The following SSBP2 variants were observed in gnomAD, a reference collection of about 807,000 sequenced individuals.
SSBP2 encodes single-stranded DNA-binding protein 2.
In SSBP2, 17 loss-of-function variants were observed where a neutral mutation model predicts 61.8. The ratio of observed to expected loss-of-function variants is 0.28; its 90% confidence interval spans 0.19 to 0.41. The LOEUF (loss-of-function observed/expected upper bound fraction) is 0.41. Among genes scored for constraint, SSBP2 ranks in the 10% least tolerant of loss-of-function variants. The probability of loss-of-function intolerance (pLI) is 1.00; values close to 1 mark genes in which losing one functional copy is unlikely to be tolerated. For missense variants in SSBP2, 310 were observed against 458.7 expected, an observed-to-expected ratio of 0.68 and a Z score of 2.96; for synonymous variants, 139 against 141.3, an observed-to-expected ratio of 0.98 and a Z score of 0.12.
intron 4 of SSBP2, among the ~76,000 whole-genome samples, chr5:81,524,560 C>T (rs1769763326): frequency 1.3e-5 from 2 of 152,048 alleles, no homozygotes; most frequent in African/African-American, 4.8e-5. Context: ...CATGAGGTAT[C>T]TAGAAACTAG....
At chr5:81,542,909 C>T (rs1293180401) in intron 4 of SSBP2, among the ~76,000 whole-genome samples, 2 of 151,312 alleles carry the variant, frequency 1.3e-5, no homozygotes, top group South Asian at 4.2e-4. Flanking sequence ...GGCTGGAGTG[C>T]ACTGGCACAA....
At chr5:81,699,365 T>C (rs774483475) in intron 1 of SSBP2, among the ~76,000 whole-genome samples, 21 of 152,248 alleles carry the variant, frequency 1.4e-4, no homozygotes, top group Non-Finnish European at 1.0e-4. Flanking sequence ...TCTTTCAAAA[T>C]TGGAGTCAAT....
At chr5:81,479,765 T>C in intron 6 of SSBP2, among the ~76,000 whole-genome samples, 1 of 152,210 alleles carries the variant, frequency 6.6e-6, no homozygotes, top group East Asian at 1.9e-4. Flanking sequence ...AACAATCTTA[T>C]AAAGTTATTA....
At chr5:81,643,717 C>T (rs1410405360) in intron 2 of SSBP2, among the ~76,000 whole-genome samples, 5 of 149,310 alleles carry the variant, frequency 3.3e-5, no homozygotes, top group Admixed American at 2.0e-4. Context: ...ATTCTCCTGC[C>T]TCAGCCTCCC....
rs1199471497 is a variant in SSBP2 at position 81,445,141 on chromosome 5, T to C, written c.778+1727A>G. Among the ~76,000 whole-genome samples, 2 of 41,726 alleles carry C rather than the reference T, an allele frequency of 4.8e-5. 1 individual carries two copies. The highest frequency in any genetic ancestry group is 4.4e-4 in the Admixed American group (2 of 4,512). 27.4% of individuals were successfully genotyped at this position (41,726 alleles called of 152,430 possible). The stretch of plus-strand genomic sequence containing the variant: ...CTCAGCAAAGAAAAAAAAAATTTTA[T>C]ATATATATATATATATATATATATA... On this transcript the variant is annotated intron_variant, in intron 12 of 16. Coordinates refer to ENST00000320672, the MANE Select transcript of SSBP2 (RefSeq NM_012446.5).
intron 6 of SSBP2, among the ~76,000 whole-genome samples, chr5:81,487,129 T>C (rs1766444129): frequency 6.6e-6 from 1 of 152,196 alleles, no homozygotes; most frequent in Admixed American, 6.5e-5. Flanking sequence ...CTTATTGTAA[T>C]AACATGGTTT....
At chr5:81,440,505 G>A in intron 14 of SSBP2, 53 bp downstream of exon 14, 1 of 1,496,646 alleles carries the variant, frequency 6.7e-7, no homozygotes, top group Non-Finnish European at 9.3e-7. Context: ...GCACTAGGTA[G>A]AATTAAGGTT....
chr5:81,722,936 T>C (rs1456970574), intron 1 of SSBP2, among the ~76,000 whole-genome samples: 1 of 152,014 alleles, frequency 6.6e-6, no homozygotes, highest in Non-Finnish European at 1.5e-5. Flanking sequence ...GCACAATTGC[T>C]TTCTTTCCCT....
rs965416344 is a variant in SSBP2 at position 81,524,415 on chromosome 5, C to T, written c.283-10698G>A. Among the ~76,000 whole-genome samples the T allele has an allele frequency of 3.3e-5, 5 of 152,134 alleles. No homozygotes were observed. The East Asian group carries it at 5.8e-4, about 18-fold the overall frequency. On this transcript the variant is annotated intron_variant, in intron 4 of 16. Transcript: ENST00000320672. The stretch of plus-strand genomic sequence containing the variant: ...AGCCCAGCAATCCCAGACTTCTGAC[C>T]TACAAAACTGTGAGATAATAAACTC...
intron 4 of SSBP2, among the ~76,000 whole-genome samples, chr5:81,566,515 A>T (rs1215246234): frequency 6.6e-6 from 1 of 152,174 alleles, no homozygotes; most frequent in Non-Finnish European, 1.5e-5. Context: ...AGGCTTCCCC[A>T]GCTACGTGTA....
intron 3 of SSBP2, among the ~76,000 whole-genome samples, chr5:81,629,845 C>T (rs1220577551): frequency 3.9e-5 from 6 of 151,998 alleles, no homozygotes; most frequent in Admixed American, 3.9e-4. Context: ...TTTGTGTGTC[C>T]GTGTGTGTGT....
At chr5:81,642,234 T>C (rs1748854495) in intron 2 of SSBP2, among the ~76,000 whole-genome samples, 2 of 152,202 alleles carry the variant, frequency 1.3e-5, no homozygotes, top group South Asian at 4.1e-4. Flanking sequence ...GGTTTTTGGG[T>C]GGCATCTTTG....
At chr5:81,641,614 A>G (rs1748793229) in intron 2 of SSBP2, among the ~76,000 whole-genome samples, 1 of 152,240 alleles carries the variant, frequency 6.6e-6, no homozygotes, top group Non-Finnish European at 1.5e-5. Context: ...ACTATTCTAG[A>G]TACCACTTGT....
chr5:81,633,571 AT>A (rs1331797566), intron 3 of SSBP2, among the ~76,000 whole-genome samples: 3 of 151,848 alleles, frequency 2.0e-5, no homozygotes, highest in Admixed American at 2.0e-4. Context: ...AGGTATCGCT[AT>A]GTTTCTCAGG....
At chr5:81,668,424 T>C (rs1237053399) in intron 1 of SSBP2, among the ~76,000 whole-genome samples, 1 of 152,056 alleles carries the variant, frequency 6.6e-6, no homozygotes, top group African/African-American at 2.4e-5. Flanking sequence ...GACTAGGCTG[T>C]AAGATTTTAT....
chr5:81,698,544 G>A (rs1000122011), intron 1 of SSBP2, among the ~76,000 whole-genome samples: 1 of 152,216 alleles, frequency 6.6e-6, no homozygotes, highest in African/African-American at 2.4e-5. Context: ...ACGTGCGGTG[G>A]CTCACGCCTA....
intron 10 of SSBP2, 25 bp from the exon 11 acceptor site, chr5:81,448,850 AT>A: frequency 1.2e-6 from 2 of 1,606,158 alleles, no homozygotes; most frequent in Admixed American, 1.7e-5. Flanking sequence ...GGACAAAAAA[AT>A]TTTTGATTCA....
chr5:81,484,510 A>C (rs1766238356), intron 6 of SSBP2, among the ~76,000 whole-genome samples: 1 of 152,110 alleles, frequency 6.6e-6, no homozygotes, highest in South Asian at 2.1e-4. Flanking sequence ...TCATAAGAAA[A>C]TACTATATTT....
intron 4 of SSBP2, among the ~76,000 whole-genome samples, chr5:81,595,521 T>A (rs920244484): frequency 8.5e-5 from 13 of 152,144 alleles, no homozygotes; most frequent in Middle Eastern, 3.2e-3. Context: ...TACCAAAGCC[T>A]CGCAGAGACA....
Sources: gnomAD v4.1 joint callset for allele counts (sites outside exome capture counted in the v4.1 genomes callset) on GRCh38, gnomAD v4.1.1 for gene constraint, MANE v1.5 for transcripts, NCBI Gene and HGNC (gene_info 2026-07-23, HGNC 2026-07-21) for gene names.